The following JAG1 variants were observed in gnomAD, a reference collection of about 807,000 sequenced individuals.
JAG1 encodes protein jagged-1.
A neutral mutation model predicts 148.7 loss-of-function variants in JAG1; 23 were observed. The ratio of observed to expected loss-of-function variants is 0.15; its 90% confidence interval spans 0.11 to 0.22. The LOEUF (loss-of-function observed/expected upper bound fraction) is 0.22. Among genes scored for constraint, JAG1 ranks in the 10% least tolerant of loss-of-function variants. The pLI, the probability that JAG1 is intolerant of heterozygous loss-of-function variation, is 1.00. For synonymous variants in JAG1, 572 were observed against 598.3 expected (o/e 0.96, Z 0.64); for missense variants, 1,054 against 1,611.2 (o/e 0.65, Z 5.92).
Position 10,638,020 on chromosome 20 carries a change from T to A in JAG1, c.*1478A>T, listed in dbSNP as rs910259099. The A allele has an allele frequency of 6.5e-6, 1 of 152,694 alleles. No homozygotes were observed. The highest frequency in any genetic ancestry group is 1.9e-4 in the East Asian group (1 of 5,204). 9.5% of individuals were successfully genotyped at this position (152,694 alleles called of 1,614,324 possible). The stretch of plus-strand genomic sequence containing the variant: ...TTAATAAATATTACTTTTCAAAATT[T>A]ATTGCCAAGAACAACACATCAAAGA... On this transcript the variant is annotated 3_prime_UTR_variant, in exon 26 of 26. Transcript: ENST00000254958.
At chr20:10,649,429 A>C in intron 10 of JAG1, 93 bp downstream of exon 10, 1 of 800,756 alleles carries the variant, frequency 1.2e-6, no homozygotes, top group East Asian at 2.6e-5. Context: ...TTTTCCTTCT[A>C]CTGCTCAAGT....
chr20:10,640,710 C>A, intron 25 of JAG1, 73 bp downstream of exon 25: 1 of 1,517,104 alleles, frequency 6.6e-7, no homozygotes, highest in South Asian at 1.1e-5. Context: ...ATCCCTCGAC[C>A]TGATGGCTTT....
intron 5 of JAG1, among the ~76,000 whole-genome samples, chr20:10,655,594 G>A (rs2067373480): frequency 6.6e-6 from 1 of 152,180 alleles, no homozygotes; most frequent in African/African-American, 2.4e-5. Flanking sequence ...CTTTACTCAT[G>A]TCAGAGTAGC....
chr20:10,644,276 TCACACACACACACACACACACACACACA>T, intron 19 of JAG1, 53 bp downstream of exon 19: 1 of 882,926 alleles, frequency 1.1e-6, no homozygotes, highest in Non-Finnish European at 1.8e-6. Flanking sequence ...TGGGTGATTC[TCACACACACACACACACACACACACACA>T]CACACACACA....
intron 20 of JAG1, 37 bp downstream of exon 20, chr20:10,643,741 A>G: frequency 6.5e-7 from 1 of 1,532,542 alleles, no homozygotes; most frequent in Non-Finnish European, 9.0e-7. Flanking sequence ...ATGAAGCGGT[A>G]AAGCCATTGG....
intron 5 of JAG1, among the ~76,000 whole-genome samples, chr20:10,653,530 G>C (rs1294501197): frequency 6.7e-6 from 1 of 149,914 alleles, no homozygotes; most frequent in African/African-American, 2.5e-5. Flanking sequence ...TAACAAGGGT[G>C]GGGGAAGGCA....
intron 11 of JAG1, 50 bp from the exon 12 acceptor site, chr20:10,648,772 T>C (rs1367226329): frequency 6.4e-7 from 1 of 1,560,346 alleles, no homozygotes; most frequent in Non-Finnish European, 8.8e-7. Flanking sequence ...TTCTATGTAT[T>C]CCACAAACAC....
intron 2 of JAG1, among the ~76,000 whole-genome samples, chr20:10,667,254 G>C (rs1406936400): frequency 6.6e-6 from 1 of 152,234 alleles, no homozygotes; most frequent in East Asian, 1.9e-4. Context: ...CACATCCTGG[G>C]AATGCCCGAC....
Position 10,664,109 on chromosome 20 carries a change from A to C in JAG1, c.388-95T>G. 3.1e-6 allele frequency: 3 copies of C among 953,608 alleles called. No individual in the cohort carries two copies. The South Asian group carries it at 3.9e-5, about 12-fold the overall frequency. 59.1% of individuals were successfully genotyped at this position (953,608 alleles called of 1,614,324 possible). A position where few individuals can be genotyped will look rare whatever the true frequency, so the allele number is the denominator to read the frequency against. On this transcript the variant is annotated intron_variant, in intron 2 of 25. Transcript: ENST00000254958. Reference sequence around the variant, plus strand: ...GCCTCCCAGAATACCCCACCAAACAAAACCATAATGCCAAAATAAAAATTC... The same window carrying C: ...GCCTCCCAGAATACCCCACCAAACACAACCATAATGCCAAAATAAAAATTC...
At chr20:10,659,995 G>A (rs531924620) in intron 3 of JAG1, among the ~76,000 whole-genome samples, 1 of 152,298 alleles carries the variant, frequency 6.6e-6, no homozygotes, top group African/African-American at 2.4e-5. Context: ...TCTTAAACCT[G>A]CCAGCACCAA....
chr20:10,646,641 C>T (rs2067310896), intron 14 of JAG1, among the ~76,000 whole-genome samples: 1 of 151,864 alleles, frequency 6.6e-6, no homozygotes, highest in Non-Finnish European at 1.5e-5. Context: ...GGGGAAACCC[C>T]ATCTCTACTA....
intron 5 of JAG1, 164 bp from the exon 6 acceptor site, chr20:10,652,762 TCA>T (rs2067355536): frequency 7.6e-6 from 5 of 657,112 alleles, no homozygotes; most frequent in Admixed American, 5.0e-5. Context: ...ACAAACATTT[TCA>T]CAGTTGAGCT....
At chr20:10,671,994 C>T (rs189930361) in intron 2 of JAG1, among the ~76,000 whole-genome samples, 110 of 152,150 alleles carry the variant, frequency 7.2e-4, no homozygotes, top group African/African-American at 2.6e-3. Context: ...ACAGCTGTTC[C>T]AGAGCCCGGG....
chr20:10,671,495 C>T (rs765449698), intron 2 of JAG1, among the ~76,000 whole-genome samples: 1 of 152,152 alleles, frequency 6.6e-6, no homozygotes, highest in Non-Finnish European at 1.5e-5. Context: ...TACACAGACA[C>T]AGCCAGATAG....
intron 21 of JAG1, 40 bp from the exon 22 acceptor site, chr20:10,641,932 A>T: frequency 7.4e-7 from 1 of 1,351,718 alleles, no homozygotes; most frequent in Non-Finnish European, 1.1e-6. Context: ...TTTTTCTGTG[A>T]ACCGGATCGG....
At chr20:10,652,417 T>G (rs752944693) in intron 6 of JAG1, 51 bp downstream of exon 6, 1 of 1,610,466 alleles carries the variant, frequency 6.2e-7, no homozygotes, top group Non-Finnish European at 8.5e-7. Flanking sequence ...ACCAAATTAG[T>G]GCCATCCCAC....
At position 10,672,817 on chromosome 20, in the gene JAG1, G is replaced by T; in HGVS notation, c.271C>A (p.Pro91Thr). Residue 91 changes from proline to threonine, a missense_variant, in exon 2 of 26, where the codon CCC becomes ACC. This residue lies in a region of JAG1 where 151 missense variants were observed against 211.1 expected (regional missense o/e 0.72). Transcript: ENST00000254958. The part of the protein sequence containing the change: ...EYQSRVTAGG[P>T]CSFGSGSTPV... ...GTGGACCCTGAGCCGAAGCTGCAGG[G>T]CCCCCCGGCCGTGACGCGGGACTGA... is the stretch of plus-strand genomic sequence containing the variant. The T allele has an allele frequency of 6.2e-7, 1 of 1,613,110 alleles. No individual in the cohort carries two copies. The highest frequency in any genetic ancestry group is 8.5e-7 in the Non-Finnish European group (1 of 1,180,000).
At position 10,673,584 on chromosome 20, in the gene JAG1, G is replaced by T; in HGVS notation, c.-54C>A. The T allele has an allele frequency of 9.3e-7, 1 of 1,070,314 alleles. No individual in the cohort carries two copies. Among genetic ancestry groups the T allele is most frequent in the Non-Finnish European group, 1.2e-6 (1 of 841,006 alleles). 66.3% of individuals were successfully genotyped at this position (1,070,314 alleles called of 1,614,324 possible). A position where few individuals can be genotyped will look rare whatever the true frequency, so the allele number is the denominator to read the frequency against. ...GACGCCGCCGCTGCTGTTCGCGCTG[G>T]TGCTGCCGCCGGTGCTGCCGTCGCC... On this transcript the variant is annotated 5_prime_UTR_variant, in exon 1 of 26. Transcript: ENST00000254958. The surrounding 1 kb of genome is among the most constrained non-coding windows in gnomAD (Gnocchi z 4.7).
rs2067252968 is a variant in JAG1, at chr20:10,639,221, G to T, written c.*277C>A. The T allele has an allele frequency of 4.1e-6, 2 of 485,786 alleles. No individual in the cohort carries two copies. The highest frequency in any genetic ancestry group is 7.6e-6 in the Non-Finnish European group (2 of 264,124). 30.1% of individuals were successfully genotyped at this position (485,786 alleles called of 1,614,324 possible). ...TGGGAGCTCAAAGACCAGGGGGCTG[G>T]GCAGGCTCCTGGGAGCCTGATCCGA... On this transcript the variant is annotated 3_prime_UTR_variant, in exon 26 of 26. Coordinates refer to ENST00000254958, the MANE Select transcript of JAG1 (RefSeq NM_000214.3).
Sources: allele counts gnomAD v4.1 joint callset (sites outside exome capture counted in the v4.1 genomes callset), GRCh38; gene constraint gnomAD v4.1.1; regional missense constraint gnomAD v4.1.1; non-coding constraint Gnocchi (gnomAD v3.1); transcripts MANE v1.5; gene names NCBI Gene and HGNC (gene_info 2026-07-23, HGNC 2026-07-21).